Variants in WIPF1 observed in about 807,000 individuals in gnomAD.
The protein encoded by WIPF1 is WAS/WASL interacting protein family member 1, also known as WAS/WASL-interacting protein family member 1.
In WIPF1, 13 loss-of-function variants were observed where a neutral mutation model predicts 35.4. That is an observed-to-expected ratio of 0.37 (90% confidence interval 0.24 to 0.58). The LOEUF (loss-of-function observed/expected upper bound fraction) is 0.58, where lower values mean the gene tolerates loss of function less well. Among genes scored for constraint, WIPF1 ranks in the 20% least tolerant of loss-of-function variants. The pLI is 0.74. For missense variants in WIPF1, 591 were observed against 667.0 expected, an observed-to-expected ratio of 0.89 and a Z score of 1.25; for synonymous variants, 267 against 266.3, an observed-to-expected ratio of 1.00 and a Z score of -0.02.
intron 1 of WIPF1, among the ~76,000 whole-genome samples, chr2:174,640,528 T>A (rs940507754): frequency 1.3e-5 from 2 of 151,704 alleles, no homozygotes; most frequent in Admixed American, 6.6e-5. Flanking sequence ...AAAACTTTGA[T>A]GAAAGAAATT....
chr2:174,641,304 A>T (rs1687288782), intron 1 of WIPF1, among the ~76,000 whole-genome samples: 1 of 152,198 alleles, frequency 6.6e-6, no homozygotes, highest in African/African-American at 2.4e-5. Context: ...ATGCCTGGGC[A>T]ACCTAATATT....
chr2:174,596,838 A>G (rs762136066), intron 1 of WIPF1, among the ~76,000 whole-genome samples: 61 of 152,352 alleles, frequency 4.0e-4, no homozygotes, highest in Non-Finnish European at 7.1e-4. Flanking sequence ...AGAAAGGAAC[A>G]TAAGTCAAAT....
upstream of WIPF1, among the ~76,000 whole-genome samples, chr2:174,602,274 T>C (rs1686033518): frequency 6.6e-6 from 1 of 152,118 alleles, no homozygotes. Context: ...GTCTAGCCAG[T>C]GTAGAAAAAG....
chr2:174,592,805 C>T (rs1343197871), intron 1 of WIPF1, among the ~76,000 whole-genome samples: 1 of 151,928 alleles, frequency 6.6e-6, no homozygotes, highest in African/African-American at 2.4e-5. Context: ...GGGGTTTCAC[C>T]ATGTTGGCCA....
At chr2:174,599,987 AC>A (rs1181043659), upstream of WIPF1, among the ~76,000 whole-genome samples, 1 of 152,218 alleles carries the variant, frequency 6.6e-6, no homozygotes, top group East Asian at 1.9e-4. Context: ...AACTGCTCCA[AC>A]TCAGATCATC....
intron 1 of WIPF1, among the ~76,000 whole-genome samples, chr2:174,647,391 C>T (rs1278477664): frequency 4.0e-5 from 6 of 150,874 alleles, no homozygotes; most frequent in Non-Finnish European, 7.4e-5. Context: ...TTTTTCTTTC[C>T]GAGACTGAGT....
intron 1 of WIPF1, among the ~76,000 whole-genome samples, chr2:174,682,395 C>T (rs959641166): frequency 6.6e-6 from 1 of 152,148 alleles, no homozygotes; most frequent in Non-Finnish European, 1.5e-5. Context: ...CCCAGGGCAT[C>T]GCCGCGAAGC....
chr2:174,617,179 G>A (rs1686531851), intron 1 of WIPF1, among the ~76,000 whole-genome samples: 1 of 152,158 alleles, frequency 6.6e-6, no homozygotes, highest in South Asian at 2.1e-4. Context: ...GGTACAAGCA[G>A]CAGAGATTTT....
chr2:174,664,105 T>G (rs1277858487), intron 1 of WIPF1, among the ~76,000 whole-genome samples: 1 of 151,656 alleles, frequency 6.6e-6, no homozygotes, highest in East Asian at 1.9e-4. Context: ...CAGCACACCC[T>G]TCTCTCCTCT....
At chr2:174,617,187 T>C (rs1357501072) in intron 1 of WIPF1, among the ~76,000 whole-genome samples, 1 of 152,152 alleles carries the variant, frequency 6.6e-6, no homozygotes, top group Non-Finnish European at 1.5e-5. Flanking sequence ...CAGCAGAGAT[T>C]TTTGTCTGAG....
Position 174,573,440 on chromosome 2 carries a change from A to G in WIPF1, c.359-994T>C, listed in dbSNP as rs527441141. On this transcript the variant is annotated intron_variant, in intron 4 of 7. Transcript: ENST00000679041. Reference sequence around the variant, plus strand: ...ACATTCTTGTGGGGGGAGATAAACAATAAACCAGGAAATAAATACTTTCAG... The same window carrying G: ...ACATTCTTGTGGGGGGAGATAAACAGTAAACCAGGAAATAAATACTTTCAG... Among the ~76,000 whole-genome samples the G allele has an allele frequency of 3.9e-5, 6 of 152,360 alleles. No individual in the cohort carries two copies. The South Asian group carries it at 6.2e-4, about 16-fold the overall frequency.
At chr2:174,616,596 C>T (rs527334427) in intron 1 of WIPF1, among the ~76,000 whole-genome samples, 34 of 152,274 alleles carry the variant, frequency 2.2e-4, no homozygotes, top group South Asian at 1.0e-3. Context: ...CATCTAGAAT[C>T]TTTAAGATGA....
At chr2:174,584,047 C>T (rs986936270) in intron 2 of WIPF1, among the ~76,000 whole-genome samples, 4 of 151,982 alleles carry the variant, frequency 2.6e-5, no homozygotes, top group African/African-American at 7.3e-5. Context: ...AGGCTGGTCT[C>T]GAACTCCTGG....
rs151007781 is a variant in WIPF1 at position 174,570,245 on chromosome 2, TAAATA to T, written c.1129+1426_1129+1430del. Among the ~76,000 whole-genome samples, 1,411 of 152,282 alleles carry T rather than the reference TAAATA, an allele frequency of 9.3e-3. 28 individuals are homozygous for T. The highest frequency in any genetic ancestry group is 0.032 in the African/African-American group (1,327 of 41,550). On this transcript the variant is annotated intron_variant, in intron 5 of 7. Coordinates refer to ENST00000679041, the MANE Select transcript of WIPF1 (RefSeq NM_001375834.1). ...TCAGCAAACATTAATGAGATACTGT[TAAATA>T]AAAAGCAAATTAGCAAACAATATAT...
Position 174,572,134 on chromosome 2 carries a change from C to A in WIPF1, c.671G>T (p.Gly224Val). ...SPGPTPPPFP[G>V]NRGTALGGGS... ...TCCTCCCAAAGCAGTGCCGCGGTTT[C>A]CAGGGAAAGGGGGAGGAGTGGGCCC... The change falls in exon 5 of 8, where the codon GGA becomes GTA. Residue 224 changes from glycine (G) to valine (V), a missense_variant. Transcript: ENST00000679041. The A allele has an allele frequency of 1.2e-6, 2 of 1,610,786 alleles. No homozygotes were observed. The highest frequency in any genetic ancestry group is 2.2e-5 in the South Asian group (2 of 90,890).
Position 174,594,979 on chromosome 2 carries a change from G to A in WIPF1, c.-39+2622C>T, listed in dbSNP as rs150024884. On this transcript the variant is annotated intron_variant, in intron 1 of 7. Transcript: ENST00000679041. ...CAAGAAATCATACTGGCTGGGTGTCGTAGCTCATGACTATAATCCCAGCAC... is the reference window on the plus strand; with the variant it reads ...CAAGAAATCATACTGGCTGGGTGTCATAGCTCATGACTATAATCCCAGCAC... Among the ~76,000 whole-genome samples the A allele has an allele frequency of 7.9e-3, 1,176 of 148,386 alleles. 12 individuals are homozygous for A. Among genetic ancestry groups the A allele is most frequent in the African/African-American group, 0.026 (1,034 of 40,236 alleles).
intron 3 of WIPF1, among the ~76,000 whole-genome samples, chr2:174,579,044 T>C (rs59865252): frequency 0.11 from 17,423 of 152,002 alleles, 1,223 homozygotes; most frequent in African/African-American, 0.19. Flanking sequence ...TGAGATGGAG[T>C]TTCACGCTTG....
chr2:174,606,582 A>G (rs141689933), intron 1 of WIPF1, among the ~76,000 whole-genome samples: 27 of 152,300 alleles, frequency 1.8e-4, no homozygotes, highest in Non-Finnish European at 3.7e-4. Flanking sequence ...TGTTCAATCA[A>G]TGTCAGTCCC....
chr2:174,675,725 T>C (rs910365811), intron 1 of WIPF1, among the ~76,000 whole-genome samples: 3 of 151,958 alleles, frequency 2.0e-5, no homozygotes, highest in Admixed American at 1.3e-4. Flanking sequence ...GCAAAGACTA[T>C]AAATTACAAA....
Sources: gnomAD v4.1 joint callset for allele counts (sites outside exome capture counted in the v4.1 genomes callset) on GRCh38, gnomAD v4.1.1 for gene constraint, MANE v1.5 for transcripts, NCBI Gene and HGNC (gene_info 2026-07-23, HGNC 2026-07-21) for gene names.